INTS4: variants seen among roughly 807,000 people sequenced by gnomAD.
INTS4 encodes MSTP093.
INTS4 carries 70 observed loss-of-function variants against 119.5 expected under a neutral mutation model. The ratio of observed to expected loss-of-function variants is 0.59; its 90% CI spans 0.48 to 0.71. The LOEUF is 0.71. Ranked by LOEUF, INTS4 falls within the 30% of genes least tolerant of loss-of-function variation. INTS4 has a pLI of 0.00. For synonymous variants in INTS4, 316 were observed against 419.6 expected, an observed-to-expected ratio of 0.75 and a Z score of 3.02; for missense variants, 867 against 1,173.2, an observed-to-expected ratio of 0.74 and a Z score of 3.81.
intron 13 of INTS4, 41 bp from the exon 14 acceptor site, chr11:77,921,514 G>C (rs949591310): frequency 2.7e-6 from 4 of 1,485,540 alleles, no homozygotes; most frequent in Non-Finnish European, 3.7e-6. Flanking sequence ...AAGTATAAAA[G>C]GTTGGCCAGA....
At chr11:77,975,303 A>G (rs1855902553) in intron 4 of INTS4, among the ~76,000 whole-genome samples, 1 of 151,928 alleles carries the variant, frequency 6.6e-6, no homozygotes, top group African/African-American at 2.4e-5. Context: ...AGTATTTTCT[A>G]ATTTCCCTTT....
chr11:77,910,204 CAA>C (rs1304406701), intron 15 of INTS4, among the ~76,000 whole-genome samples: 1 of 152,008 alleles, frequency 6.6e-6, no homozygotes, highest in African/African-American at 2.4e-5. Context: ...AAATGTCCAA[CAA>C]TGATAGACTG....
chr11:77,927,406 A>G (rs1172116757), intron 11 of INTS4, among the ~76,000 whole-genome samples: 1 of 152,216 alleles, frequency 6.6e-6, no homozygotes, highest in Admixed American at 6.5e-5. Flanking sequence ...CGCAGTAGAA[A>G]TCTGTTACAA....
chr11:77,952,778 A>T (rs917234925), intron 8 of INTS4, among the ~76,000 whole-genome samples: 2 of 152,230 alleles, frequency 1.3e-5, no homozygotes, highest in African/African-American at 4.8e-5. Context: ...CAGATCCTAT[A>T]GAGTACAAAA....
At chr11:77,884,090 G>C in intron 21 of INTS4, 138 bp from the exon 22 acceptor site, 1 of 773,286 alleles carries the variant, frequency 1.3e-6, no homozygotes, top group Non-Finnish European at 2.1e-6. Context: ...TTGGGGGTAG[G>C]TCAACACTGT....
At chr11:77,928,292 C>T in intron 11 of INTS4, 50 bp downstream of exon 11, 1 of 1,594,618 alleles carries the variant, frequency 6.3e-7, no homozygotes. Context: ...CTGATTTTAA[C>T]AGGGGGGGGT....
chr11:77,901,500 T>C lies in INTS4; in HGVS notation c.2149A>G (p.Lys717Glu). 2 of 1,612,948 alleles carry C rather than the reference T, an allele frequency of 1.2e-6. No homozygotes were observed. Among genetic ancestry groups the C allele is most frequent in the Non-Finnish European group, 1.7e-6 (2 of 1,178,904 alleles). ...ATGTGATGTATAATCACCACCTGCT[T>C]ATTCTCCACACCACTGTACATGAAT... is the stretch of plus-strand genomic sequence containing the variant. ...MEFMYSGVEN[K>E]QVVIIHHMRL... Residue 717 changes from lysine to glutamate, a missense_variant, in exon 18 of 23, where the codon AAG becomes GAG. Physicochemically the swap from Lys to Glu is moderately conservative, Grantham distance 56. Around this residue, in one of 5 missense-constraint regions of INTS4, gnomAD observed 262 missense variants for 376.0 expected, o/e 0.70. Coordinates refer to ENST00000534064, the MANE Select transcript of INTS4 (RefSeq NM_033547.4).
At chr11:77,964,359 A>G (rs1471279678) in intron 4 of INTS4, among the ~76,000 whole-genome samples, 1 of 151,972 alleles carries the variant, frequency 6.6e-6, no homozygotes, top group Non-Finnish European at 1.5e-5. Flanking sequence ...TGAGGTCAGG[A>G]GATCGAGACC....
intron 15 of INTS4, 121 bp from the exon 16 acceptor site, chr11:77,907,931 C>A (rs548772254): frequency 6.4e-6 from 4 of 622,438 alleles, no homozygotes; most frequent in Non-Finnish European, 1.1e-5. Context: ...TTTTAAATGA[C>A]GACACTGAAT....
chr11:77,896,783 TAGA>T (rs1284167440), intron 18 of INTS4, among the ~76,000 whole-genome samples: 2 of 143,332 alleles, frequency 1.4e-5, no homozygotes, highest in African/African-American at 2.6e-5. Context: ...CTAGAGTGTA[TAGA>T]AGAAGTAAAG....
At chr11:77,880,989 T>C (rs568824577) in intron 22 of INTS4, among the ~76,000 whole-genome samples, 1 of 151,458 alleles carries the variant, frequency 6.6e-6, no homozygotes, top group African/African-American at 2.4e-5. Flanking sequence ...TCAGAGGGAG[T>C]TGATGTAGGA....
chr11:77,979,520 G>C (rs1856109271), intron 3 of INTS4, among the ~76,000 whole-genome samples: 1 of 151,854 alleles, frequency 6.6e-6, no homozygotes, highest in African/African-American at 2.4e-5. Flanking sequence ...GGGTTCTACT[G>C]TGTGATCCTT....
Position 77,991,207 on chromosome 11 carries a change from T to A in INTS4, c.147A>T (p.Pro49=), listed in dbSNP as rs758637867. ...GGAGCAAGTATTGCAAAGCATCTGCTGGGGAGGTAGCTTTACACAGATCTA... is the reference window on the plus strand; with the variant it reads ...GGAGCAAGTATTGCAAAGCATCTGCAGGGGAGGTAGCTTTACACAGATCTA... ...LHIDLCKATS[P]ADALQYLLQF... Residue 49 remains proline (P), a synonymous_variant, in exon 2 of 23, where the codon CCA becomes CCT. Coordinates refer to ENST00000534064, the MANE Select transcript of INTS4 (RefSeq NM_033547.4). 7 of 1,614,008 alleles carry A rather than the reference T, an allele frequency of 4.3e-6. No individual in the cohort carries two copies. The highest frequency in any genetic ancestry group is 1.3e-5 in the African/African-American group (1 of 74,924).
intron 3 of INTS4, among the ~76,000 whole-genome samples, chr11:77,979,439 C>T (rs565574060): frequency 3.3e-4 from 50 of 151,940 alleles, no homozygotes; most frequent in African/African-American, 1.2e-3. Context: ...CGCGCCACAG[C>T]ACTCCAGCCT....
chr11:77,926,148 A>T (rs1349110596), intron 11 of INTS4, among the ~76,000 whole-genome samples: 1 of 152,134 alleles, frequency 6.6e-6, no homozygotes, highest in Admixed American at 6.5e-5. Flanking sequence ...TTGAATAAAG[A>T]AGTGAATTTT....
intron 8 of INTS4, among the ~76,000 whole-genome samples, chr11:77,941,804 C>T (rs1953935724): frequency 1.3e-5 from 2 of 152,264 alleles, no homozygotes; most frequent in Admixed American, 6.5e-5. Flanking sequence ...CCACGCCCGG[C>T]CACTATGTGT....
At chr11:77,939,848 CA>C (rs544496333) in intron 9 of INTS4, among the ~76,000 whole-genome samples, 11 of 142,828 alleles carry the variant, frequency 7.7e-5, no homozygotes, top group South Asian at 2.3e-4. Context: ...CTGTCTCAAA[CA>C]AAAAAAAAAA....
Position 77,908,473 on chromosome 11 carries a change from C to T in INTS4, c.1923-663G>A, listed in dbSNP as rs553818092. Among the ~76,000 whole-genome samples, 12 of 152,068 alleles carry T rather than the reference C, an allele frequency of 7.9e-5. No homozygotes were observed. In the South Asian group the frequency reaches 1.2e-3, roughly 16 times the overall value. On this transcript the variant is annotated intron_variant, in intron 15 of 22. Transcript: ENST00000534064. Reference sequence around the variant, plus strand: ...CCTCCTGACTAGCTGGGATTGCAGACGCACACCAGCACACCCAGCTAATTT... The same window carrying T: ...CCTCCTGACTAGCTGGGATTGCAGATGCACACCAGCACACCCAGCTAATTT...
intron 4 of INTS4, among the ~76,000 whole-genome samples, chr11:77,966,927 A>G (rs768003634): frequency 6.6e-6 from 1 of 152,130 alleles, no homozygotes; most frequent in African/African-American, 2.4e-5. Context: ...GAACTGTCAT[A>G]CTGTTTTCCA....
Sources: allele counts gnomAD v4.1 joint callset (sites outside exome capture counted in the v4.1 genomes callset), GRCh38; gene constraint gnomAD v4.1.1; regional missense constraint gnomAD v4.1.1; transcripts MANE v1.5; gene names NCBI Gene and HGNC (gene_info 2026-07-23, HGNC 2026-07-21).